ATP13A2: variants seen among roughly 807,000 people sequenced by gnomAD.
ATP13A2 encodes ATPase cation transporting 13A2, also known as polyamine-transporting ATPase 13A2.
A neutral mutation model predicts 138.3 loss-of-function variants in ATP13A2; 83 were observed. That is an observed-to-expected ratio of 0.60 (90% CI 0.50 to 0.72). ATP13A2 has a LOEUF of 0.72. Ranked by LOEUF, ATP13A2 falls within the 30% of genes least tolerant of loss-of-function variation. The pLI, the probability that ATP13A2 is intolerant of heterozygous loss-of-function variation, is 0.00. For missense variants in ATP13A2, 1,402 were observed against 1,606.4 expected (o/e 0.87, Z 2.17); for synonymous variants, 663 against 699.0 (o/e 0.95, Z 0.81).
At position 17,002,286 on chromosome 1, in the gene ATP13A2, C is replaced by T; in HGVS notation, c.635+10G>A. ...GTTCTCAGGGCACCCCGGTCCAGGGCAGCACTGACCTCACCATTTGGTCCT... is the reference window on the plus strand; with the variant it reads ...GTTCTCAGGGCACCCCGGTCCAGGGTAGCACTGACCTCACCATTTGGTCCT... On this transcript the variant is annotated intron_variant, in intron 7 of 28. Transcript: ENST00000326735. 6.2e-7 allele frequency: 1 copy of T among 1,612,930 alleles called. No homozygotes were observed. Among genetic ancestry groups the T allele is most frequent in the Non-Finnish European group, 8.5e-7 (1 of 1,179,690 alleles).
At chr1:16,987,003 G>A (rs1489428288) in intron 26 of ATP13A2, 43 bp downstream of exon 26, 2 of 1,613,350 alleles carry the variant, frequency 1.2e-6, no homozygotes, top group East Asian at 4.5e-5. Context: ...GGGGTGGACA[G>A]GGAAGGGGCG....
At position 17,005,453 on chromosome 1, in the gene ATP13A2, A is replaced by T; in HGVS notation, c.209T>A (p.Leu70Gln). 6.2e-7 allele frequency: 1 copy of T among 1,614,170 alleles called. No homozygotes were observed. The highest frequency in any genetic ancestry group is 8.5e-7 in the Non-Finnish European group (1 of 1,180,020). The stretch of plus-strand genomic sequence containing the variant: ...CCGGAGCCGCAGCCGCACCCCCCAC[A>T]GGGGCTTCCAACGGAAGAGCAGCAA... ...IPLLLFRWKPLWGVRLRLRPC... is the reference protein window; with the variant it reads ...IPLLLFRWKPQWGVRLRLRPC... The change falls in exon 3 of 29, where the codon CTG becomes CAG. Residue 70 changes from leucine (L) to glutamine (Q), a missense_variant. Transcript: ENST00000326735.
chr1:17,005,200 C>T (rs756446875), intron 3 of ATP13A2, 128 bp from the exon 4 acceptor site: 2 of 1,469,558 alleles, frequency 1.4e-6, no homozygotes, highest in South Asian at 1.2e-5. Context: ...CAGAAACCAC[C>T]CGACCCGTCC....
chr1:16,993,614 G>T lies in ATP13A2; in HGVS notation c.1749+15C>A. 1.9e-6 allele frequency: 3 copies of T among 1,567,664 alleles called. No individual in the cohort carries two copies. The highest frequency in any genetic ancestry group is 1.2e-5 in the South Asian group (1 of 85,538). The stretch of plus-strand genomic sequence containing the variant: ...CTGCCCAGAGGCAGGGGGCTGACCT[G>T]CTTGGCCTCCTCACCCAGCCAGTAG... On this transcript the variant is annotated intron_variant, in intron 16 of 28. Coordinates refer to ENST00000326735, the MANE Select transcript of ATP13A2 (RefSeq NM_022089.4).
chr1:17,010,241 C>A (rs1341357931), intron 1 of ATP13A2, among the ~76,000 whole-genome samples: 1 of 152,190 alleles, frequency 6.6e-6, no homozygotes, highest in South Asian at 2.1e-4. Context: ...CCACACTCAG[C>A]TAATTTTTGT....
intron 22 of ATP13A2, 46 bp downstream of exon 22, chr1:16,989,841 G>T (rs757153866): frequency 6.2e-7 from 1 of 1,611,202 alleles, no homozygotes; most frequent in South Asian, 1.1e-5. Flanking sequence ...GAAGGAGACA[G>T]AGCAGGGGAG....
intron 11 of ATP13A2, among the ~76,000 whole-genome samples, chr1:16,998,379 T>C (rs1167862533): frequency 6.6e-6 from 1 of 152,108 alleles, no homozygotes; most frequent in African/African-American, 2.4e-5. Flanking sequence ...TAATTTTTTG[T>C]ATTTTTGGTA....
At position 17,004,338 on chromosome 1, in the gene ATP13A2, TG is replaced by T; in HGVS notation, c.550del (p.Gln184ArgfsTer28). ...CACAGGCCCTGACTCCTACCTGACC[TG>T]GTAGAAGGCTTGCTGGGTCTCGATC... ...IWIETQQAFY[Q>X]VSLLDHGRSC... is the part of the protein sequence containing the mutation. On this transcript the variant is annotated frameshift_variant, in exon 6 of 29. Transcript: ENST00000326735. LOFTEE classifies it high-confidence loss of function. This position sits in a 1 kb window ranked among gnomAD's most constrained non-coding sequence, Gnocchi z 4.1. 6.2e-7 allele frequency: 1 copy of T among 1,613,742 alleles called. No homozygotes were observed.
In ATP13A2 at chr1:16,988,747, T is replaced by C. The variant is rs7553340; in HGVS notation, c.2610-273A>G. 0.22 allele frequency among the ~76,000 whole-genome samples: 34,152 copies of C among 151,962 alleles called. 4,335 individuals carry two copies. Among genetic ancestry groups the C allele is most frequent in the East Asian group, 0.56 (2,902 of 5,162 alleles). On this transcript the variant is annotated intron_variant, in intron 23 of 28. Transcript: ENST00000326735. Reference sequence around the variant, plus strand: ...TCCTGGGCTCAAGTGATTCTCCTGCTTCAGCCTCCCAAGTAGCTGGGATTA... The same window carrying C: ...TCCTGGGCTCAAGTGATTCTCCTGCCTCAGCCTCCCAAGTAGCTGGGATTA...
chr1:16,987,989 C>T, intron 25 of ATP13A2, 149 bp downstream of exon 25: 1 of 794,752 alleles, frequency 1.3e-6, no homozygotes, highest in South Asian at 1.5e-5. Flanking sequence ...CAAGCCTTGC[C>T]ACCTCTCCAA....
At position 17,004,406 on chromosome 1, in the gene ATP13A2, C is replaced by A; in HGVS notation, c.483G>T (p.Arg161=). The A allele has an allele frequency of 6.2e-7, 1 of 1,614,026 alleles. No individual in the cohort carries two copies. Among genetic ancestry groups the A allele is most frequent in the Non-Finnish European group, 8.5e-7 (1 of 1,180,008 alleles). ...SEEAVSVGQK[R]VLRYYLFQGQ... ...CCTGGAAGAGGTAATACCGCAGCAC[C>A]CGCTTCTGGGTGGGAGAGAGGAGAG... The change falls in exon 6 of 29, where the codon CGG becomes CGT. Residue 161 remains arginine (R), a synonymous_variant. Transcript: ENST00000326735. This position sits in a 1 kb window ranked among gnomAD's most constrained non-coding sequence, Gnocchi z 4.1.
chr1:16,986,386 G>A lies in ATP13A2; in HGVS notation c.3406-28C>T. ...GCAAAGGGCAGGGAGGGTGTCAGGG[G>A]CAGCCGGGGCTGAGCTGGGGTCAAT... On this transcript the variant is annotated intron_variant, in intron 28 of 28. Transcript: ENST00000326735. This position sits in a 1 kb window ranked among gnomAD's most constrained non-coding sequence, Gnocchi z 6.9. 1 of 1,590,442 alleles carries A rather than the reference G, an allele frequency of 6.3e-7. No individual in the cohort carries two copies. The highest frequency in any genetic ancestry group is 8.5e-7 in the Non-Finnish European group (1 of 1,171,596).
rs182814200 is a variant in ATP13A2 at position 16,995,175 on chromosome 1, G to A, written c.1542+801C>T. Among the ~76,000 whole-genome samples, 5 of 152,224 alleles carry A rather than the reference G, an allele frequency of 3.3e-5. No individual in the cohort carries two copies. The East Asian group carries it at 9.7e-4, about 30-fold the overall frequency. ...CCACCTTTTACCCTTGCTTCTCCTC[G>A]ACCTGCCCCTCACTGAGGTCACTGA... On this transcript the variant is annotated intron_variant, in intron 15 of 28. Transcript: ENST00000326735. This position sits in a 1 kb window ranked among gnomAD's most constrained non-coding sequence, Gnocchi z 4.1.
rs761193883 is a variant in ATP13A2 at position 17,000,283 on chromosome 1, C to T, written c.870G>A (p.Lys290=). 3.2e-6 allele frequency: 5 copies of T among 1,579,704 alleles called. No individual in the cohort carries two copies. Among genetic ancestry groups the T allele is most frequent in the South Asian group, 1.2e-5 (1 of 86,822 alleles). The part of the protein sequence containing the change: ...KQSQTLRDMV[K]LSMRVCVCRP... ...GGCACACGCACACCCGCATGGACAACTTGACCATGTCCCTTAGAGTCTGGC... is the reference window on the plus strand; with the variant it reads ...GGCACACGCACACCCGCATGGACAATTTGACCATGTCCCTTAGAGTCTGGC... The change falls in exon 10 of 29, where the codon AAG becomes AAA. Residue 290 remains lysine (K), a synonymous_variant. Coordinates refer to ENST00000326735, the MANE Select transcript of ATP13A2 (RefSeq NM_022089.4).
chr1:16,987,010 G>C (rs1570760594), intron 26 of ATP13A2, 36 bp downstream of exon 26: 20 of 1,613,302 alleles, frequency 1.2e-5, no homozygotes, highest in African/African-American at 8.0e-5. Context: ...ACAGGGAAGG[G>C]GCGGGATGGG....
At chr1:16,997,351 G>A (rs1390858889) in intron 11 of ATP13A2, among the ~76,000 whole-genome samples, 176 bp from the exon 12 acceptor site, 1 of 145,472 alleles carries the variant, frequency 6.9e-6, no homozygotes, top group African/African-American at 2.6e-5. Flanking sequence ...CAGAGAGGAC[G>A]GAGATATAAA....
In ATP13A2 at chr1:16,995,735, C is replaced by T. The variant is rs979159013; in HGVS notation, c.1542+241G>A. On this transcript the variant is annotated intron_variant, in intron 15 of 28. Coordinates refer to ENST00000326735, the MANE Select transcript of ATP13A2 (RefSeq NM_022089.4). The surrounding 1 kb of genome is among the most constrained non-coding windows in gnomAD (Gnocchi z 4.1). ...TGCTGGGATTACAGACGTGAGCCAC[C>T]GCGCCCGGCCCCCCACCAGTTCTTG... The T allele has an allele frequency of 4.1e-5, 25 of 611,064 alleles. No homozygotes were observed. The East Asian group carries it at 4.5e-4, about 11-fold the overall frequency. The allele number at this position is 611,064 out of a possible 1,614,324, so 37.9% of individuals were successfully genotyped here.
chr1:17,011,485 G>A lies in ATP13A2; in HGVS notation c.10+244C>T, dbSNP rs997859078. Among the ~76,000 whole-genome samples, 1 of 152,170 alleles carries A rather than the reference G, an allele frequency of 6.6e-6. No homozygotes were observed. Among genetic ancestry groups the A allele is most frequent in the Admixed American group, 6.5e-5 (1 of 15,286 alleles). Reference sequence around the variant, plus strand: ...CCAATCCCGCGGCTGAGGGGTGCAGGGGAGGGGAGGGACCGGCTGCGAGCG... The same window carrying A: ...CCAATCCCGCGGCTGAGGGGTGCAGAGGAGGGGAGGGACCGGCTGCGAGCG... On this transcript the variant is annotated intron_variant, in intron 1 of 28. Coordinates refer to ENST00000326735, the MANE Select transcript of ATP13A2 (RefSeq NM_022089.4). The surrounding 1 kb of genome is among the most constrained non-coding windows in gnomAD (Gnocchi z 7.3).
At chr1:17,005,096 A>G in intron 3 of ATP13A2, 24 bp from the exon 4 acceptor site, 1 of 1,612,878 alleles carries the variant, frequency 6.2e-7, no homozygotes, top group Non-Finnish European at 8.5e-7. Context: ...GTATGGACTC[A>G]GTCTCAGAAG....
Sources: gnomAD v4.1 joint callset for allele counts (sites outside exome capture counted in the v4.1 genomes callset) on GRCh38, gnomAD v4.1.1 for gene constraint, Gnocchi (gnomAD v3.1) non-coding constraint, MANE v1.5 for transcripts, NCBI Gene and HGNC (gene_info 2026-07-23, HGNC 2026-07-21) for gene names.